KDM3B: variants seen among roughly 807,000 people sequenced by gnomAD.
KDM3B encodes the protein lysine demethylase 3B.
Under a neutral mutation model 170.0 loss-of-function variants are expected in KDM3B, and 10 were observed. The observed-to-expected ratio is 0.06, with a 90% confidence interval of 0.04 to 0.10. The LOEUF (loss-of-function observed/expected upper bound fraction) is 0.10, where lower values mean the gene tolerates loss of function less well. KDM3B is among the 10% of genes least tolerant of loss of function. The pLI is 1.00. For missense variants in KDM3B, 1,394 were observed against 2,195.2 expected, an observed-to-expected ratio of 0.64 and a Z score of 7.29; for synonymous variants, 831 against 834.8, an observed-to-expected ratio of 1.00 and a Z score of 0.08.
At chr5:138,419,369 G>A in intron 14 of KDM3B, 137 bp downstream of exon 14, 2 of 1,123,180 alleles carry the variant, frequency 1.8e-6, no homozygotes, top group African/African-American at 3.1e-5. Context: ...ATGAGGGACT[G>A]CCGGGGCCTG....
At chr5:138,363,670 C>T (rs1256826261) in intron 1 of KDM3B, among the ~76,000 whole-genome samples, 2 of 152,152 alleles carry the variant, frequency 1.3e-5, no homozygotes, top group African/African-American at 2.4e-5. Context: ...CCTCAGCCTC[C>T]TGAGTAGCTG....
At position 138,436,564 on chromosome 5, in the gene KDM3B, C is replaced by T. The variant is rs1375260754; in HGVS notation, c.*864C>T. 6.6e-6 allele frequency: 1 copy of T among 152,120 alleles called. No individual in the cohort carries two copies. The highest frequency in any genetic ancestry group is 6.6e-5 in the Admixed American group (1 of 15,266). The allele number at this position is 152,120 out of a possible 1,614,324, so 9.4% of individuals were successfully genotyped here. ...CCATCTTAGTCTTACCTTGAGGGAA[C>T]AGTCATATGAGAAGGAACTTTGTCA... is the stretch of plus-strand genomic sequence containing the variant. On this transcript the variant is annotated 3_prime_UTR_variant, in exon 24 of 24. Coordinates refer to ENST00000314358, the MANE Select transcript of KDM3B (RefSeq NM_016604.4).
Position 138,435,823 on chromosome 5 carries a change from C to A in KDM3B, c.*123C>A. 1.4e-6 allele frequency: 1 copy of A among 725,336 alleles called. No individual in the cohort carries two copies. Among genetic ancestry groups the A allele is most frequent in the Non-Finnish European group, 2.4e-6 (1 of 424,656 alleles). 44.9% of individuals were successfully genotyped at this position (725,336 alleles called of 1,614,324 possible). A position where few individuals can be genotyped will look rare whatever the true frequency, so the allele number is the denominator to read the frequency against. ...CCCAGAGCCAGTGTGGTCAGTATTC[C>A]AAACTCTCCAGCCACTCTCTTCTAC... On this transcript the variant is annotated 3_prime_UTR_variant, in exon 24 of 24. Transcript: ENST00000314358.
chr5:138,373,433 T>A (rs1761922492), intron 2 of KDM3B, among the ~76,000 whole-genome samples: 1 of 152,208 alleles, frequency 6.6e-6, no homozygotes, highest in African/African-American at 2.4e-5. Context: ...CTTTAAAGTT[T>A]TTTTTTCAAT....
intron 16 of KDM3B, 79 bp downstream of exon 16, chr5:138,424,420 T>C (rs941019179): frequency 2.7e-6 from 4 of 1,481,978 alleles, no homozygotes; most frequent in Non-Finnish European, 3.7e-6. Context: ...AGGTCTCTCT[T>C]TTTGCCAGGG....
At chr5:138,424,486 A>G in intron 16 of KDM3B, 145 bp downstream of exon 16, 2 of 1,016,838 alleles carry the variant, frequency 2.0e-6, no homozygotes, top group Non-Finnish European at 2.8e-6. Context: ...GTTGTCTTGG[A>G]TTTTTAAAAG....
At chr5:138,417,301 TGAGCAA>T (rs1258305194) in intron 12 of KDM3B, among the ~76,000 whole-genome samples, 176 bp from the exon 13 acceptor site, 2 of 152,326 alleles carry the variant, frequency 1.3e-5, no homozygotes, top group Middle Eastern at 3.4e-3. Context: ...TTTATGTACT[TGAGCAA>T]ATGGCCTAAC....
At position 138,430,318 on chromosome 5, in the gene KDM3B, G is replaced by T. The variant is rs745889859; in HGVS notation, c.4963G>T (p.Asp1655Tyr). The change falls in exon 22 of 24, where the codon GAC becomes TAC. Residue 1655 changes from aspartate to tyrosine, a missense_variant. Around this residue, in one of 19 missense-constraint regions of KDM3B, gnomAD observed 79 missense variants for 270.5 expected, o/e 0.29. Transcript: ENST00000314358. ...DPIHDQSWYL[D>Y]QTLRKRLYEE... ...AATTCATGACCAAAGTTGGTACCTG[G>T]ACCAGACCCTCCGTAAGCGACTCTA... 1 of 1,613,400 alleles carries T rather than the reference G, an allele frequency of 6.2e-7. No homozygotes were observed. The highest frequency in any genetic ancestry group is 8.5e-7 in the Non-Finnish European group (1 of 1,179,866).
chr5:138,381,533 G>C lies in KDM3B; in HGVS notation c.723G>C (p.Ser241=). 6.3e-7 allele frequency: 1 copy of C among 1,599,700 alleles called. No individual in the cohort carries two copies. Among genetic ancestry groups the C allele is most frequent in the South Asian group, 1.1e-5 (1 of 90,698 alleles). Reference sequence around the variant, plus strand: ...TACTGTAGAGTGGTGAGATCAAGTCGGTAGATCCCAGACTAATCCATGTGA... The same window carrying C: ...TACTGTAGAGTGGTGAGATCAAGTCCGTAGATCCCAGACTAATCCATGTGA... The part of the protein sequence containing the change: ...VSVTESGEIK[S]VDPRLIHVML... Residue 241 remains serine, a synonymous_variant, in exon 6 of 24, where the codon TCG becomes TCC. Transcript: ENST00000314358.
chr5:138,400,347 CCT>C (rs1259979417), intron 11 of KDM3B, among the ~76,000 whole-genome samples: 10 of 152,056 alleles, frequency 6.6e-5, no homozygotes, highest in Admixed American at 2.0e-4. Flanking sequence ...TCCTCCTCGA[CCT>C]CTCAGAGTGC....
At chr5:138,377,546 C>A (rs553862970) in intron 3 of KDM3B, among the ~76,000 whole-genome samples, 174 bp from the exon 4 acceptor site, 7 of 152,280 alleles carry the variant, frequency 4.6e-5, no homozygotes, top group African/African-American at 1.4e-4. Context: ...CCTTGGCCTC[C>A]CAAAGTACTA....
rs1174624212 is a variant in KDM3B at position 138,391,304 on chromosome 5, A to G, written c.1672A>G (p.Lys558Glu). Reference sequence around the variant, plus strand: ...TGATTCTTCTAGTCGGGACTCATTCAAACAAAGCCTTGAGAGCCTGAGCTC... The same window carrying G: ...TGATTCTTCTAGTCGGGACTCATTCGAACAAAGCCTTGAGAGCCTGAGCTC... ...ADDSSSRDSF[K>E]QSLESLSSGL... The change falls in exon 8 of 24, where the codon AAA becomes GAA. Residue 558 changes from lysine to glutamate, a missense_variant. Coordinates refer to ENST00000314358, the MANE Select transcript of KDM3B (RefSeq NM_016604.4). This position sits in a 1 kb window ranked among gnomAD's most constrained non-coding sequence, Gnocchi z 5.0. 1 of 1,614,060 alleles carries G rather than the reference A, an allele frequency of 6.2e-7. No homozygotes were observed. Among genetic ancestry groups the G allele is most frequent in the Non-Finnish European group, 8.5e-7 (1 of 1,180,038 alleles).
chr5:138,429,772 T>A (rs1763484163), intron 20 of KDM3B, 54 bp from the exon 21 acceptor site: 1 of 1,580,580 alleles, frequency 6.3e-7, no homozygotes, highest in East Asian at 2.3e-5. Context: ...TTCATTTCAC[T>A]CAGTGGTACT....
intron 3 of KDM3B, among the ~76,000 whole-genome samples, chr5:138,375,482 A>G (rs1473951691): frequency 6.6e-6 from 1 of 151,630 alleles, no homozygotes; most frequent in Non-Finnish European, 1.5e-5. Flanking sequence ...GGTTCACTCC[A>G]TTCTCCTGCC....
chr5:138,400,880 T>C (rs1302035831), intron 11 of KDM3B, among the ~76,000 whole-genome samples: 1 of 149,664 alleles, frequency 6.7e-6, no homozygotes, highest in Admixed American at 6.7e-5. Context: ...TGGCATCCAC[T>C]AGTCCACTTT....
chr5:138,432,292 C>G (rs1763554728), intron 23 of KDM3B, among the ~76,000 whole-genome samples: 1 of 152,178 alleles, frequency 6.6e-6, no homozygotes, highest in Non-Finnish European at 1.5e-5. Context: ...GTTCATGTCC[C>G]TAAGAACTGT....
At chr5:138,370,828 G>T (rs1761855203) in intron 1 of KDM3B, among the ~76,000 whole-genome samples, 1 of 150,558 alleles carries the variant, frequency 6.6e-6, no homozygotes, top group Admixed American at 6.6e-5. Context: ...TTTTTTCCGA[G>T]ACAGAGTTTT....
At chr5:138,371,791 C>T (rs1761881308) in intron 1 of KDM3B, among the ~76,000 whole-genome samples, 1 of 152,102 alleles carries the variant, frequency 6.6e-6, no homozygotes, top group East Asian at 1.9e-4. Flanking sequence ...ACAGCAAGAC[C>T]CTATCTCTAC....
At chr5:138,390,447 A>G (rs1440779935) in intron 7 of KDM3B, among the ~76,000 whole-genome samples, 2 of 152,234 alleles carry the variant, frequency 1.3e-5, no homozygotes, top group African/African-American at 4.8e-5. Flanking sequence ...GCCGAAATCC[A>G]AAAGGGTCCA....
Sources: gnomAD v4.1 joint callset for allele counts (sites outside exome capture counted in the v4.1 genomes callset) on GRCh38, gnomAD v4.1.1 for gene constraint, gnomAD v4.1.1 regional missense constraint, Gnocchi (gnomAD v3.1) non-coding constraint, MANE v1.5 for transcripts, NCBI Gene and HGNC (gene_info 2026-07-23, HGNC 2026-07-21) for gene names.